Variants in PLA2G6 observed in about 807,000 individuals in gnomAD.
PLA2G6 encodes phospholipase A2 group VI, also known as 85/88 kDa calcium-independent phospholipase A2.
A neutral mutation model predicts 83.8 loss-of-function variants in PLA2G6; 62 were observed. The observed-to-expected ratio is 0.74, with a 90% CI of 0.60 to 0.91. The LOEUF is 0.91. Among genes scored for constraint, PLA2G6 ranks in the 40% least tolerant of loss-of-function variants. The pLI, the probability that PLA2G6 is intolerant of heterozygous loss-of-function variation, is 0.00. For synonymous variants in PLA2G6, 417 were observed against 449.8 expected, an observed-to-expected ratio of 0.93 and a Z score of 0.92; for missense variants, 944 against 1,102.0, an observed-to-expected ratio of 0.86 and a Z score of 2.03.
rs143802897 is a variant in PLA2G6, at chr22:38,164,608, C to T, written c.209+4610G>A. 3.3e-3 allele frequency among the ~76,000 whole-genome samples: 496 copies of T among 152,254 alleles called. 1 individual carries two copies. Among genetic ancestry groups the T allele is most frequent in the African/African-American group, 0.011 (472 of 41,536 alleles). ...ACTCTCCGGCCTTAGGTTATACAACCCAAGAATTCAGAAGCTCCTAATTCC... is the reference window on the plus strand; with the variant it reads ...ACTCTCCGGCCTTAGGTTATACAACTCAAGAATTCAGAAGCTCCTAATTCC... On this transcript the variant is annotated intron_variant, in intron 2 of 16. Coordinates refer to ENST00000332509, the MANE Select transcript of PLA2G6 (RefSeq NM_003560.4).
In PLA2G6 at chr22:38,115,402, C is replaced by T. The variant is rs1172422067; in HGVS notation, c.2034+125G>A. 1.2e-5 allele frequency: 10 copies of T among 815,062 alleles called. No homozygotes were observed. In the Admixed American group the frequency reaches 1.4e-4, roughly 11 times the overall value. 50.5% of individuals were successfully genotyped at this position (815,062 alleles called of 1,614,324 possible). A position where few individuals can be genotyped will look rare whatever the true frequency, so the allele number is the denominator to read the frequency against. Reference sequence around the variant, plus strand: ...GTGAGATCAATTTGCCCTGTGTGCACATATGAATGAGTGCGTGTGTAAAAG... The same window carrying T: ...GTGAGATCAATTTGCCCTGTGTGCATATATGAATGAGTGCGTGTGTAAAAG... On this transcript the variant is annotated intron_variant, in intron 14 of 16. Coordinates refer to ENST00000332509, the MANE Select transcript of PLA2G6 (RefSeq NM_003560.4).
At chr22:38,152,745 T>C (rs895633808) in intron 2 of PLA2G6, among the ~76,000 whole-genome samples, 1 of 152,226 alleles carries the variant, frequency 6.6e-6, no homozygotes, top group Non-Finnish European at 1.5e-5. Flanking sequence ...TATGGAAATA[T>C]GAGAGAGACT....
At chr22:38,133,055 G>A in intron 6 of PLA2G6, 42 bp from the exon 7 acceptor site, 2 of 1,533,502 alleles carry the variant, frequency 1.3e-6, no homozygotes, top group Non-Finnish European at 8.8e-7. Context: ...GGCACTCGGG[G>A]AGCTGCCGCA....
intron 12 of PLA2G6, among the ~76,000 whole-genome samples, chr22:38,117,898 T>C (rs1265902996): frequency 6.6e-6 from 1 of 151,934 alleles, no homozygotes; most frequent in Non-Finnish European, 1.5e-5. Flanking sequence ...TAGCCGGGCA[T>C]GGTGGTGCAC....
intron 2 of PLA2G6, among the ~76,000 whole-genome samples, chr22:38,165,296 C>A (rs1466808388): frequency 1.3e-5 from 2 of 152,220 alleles, no homozygotes; most frequent in Non-Finnish European, 2.9e-5. Flanking sequence ...ATGAACCCAA[C>A]AGACACAGTC....
rs2089771103 is a variant in PLA2G6, at chr22:38,156,198, A to G, written c.210-10545T>C. 4.6e-5 allele frequency among the ~76,000 whole-genome samples: 7 copies of G among 152,342 alleles called. No homozygotes were observed. The South Asian group carries it at 1.5e-3, about 32-fold the overall frequency. ...AAAGGAAGTATTCTTAGAGCTAAAG[A>G]GAGAGATAGACCTCAATACAATAAT... On this transcript the variant is annotated intron_variant, in intron 2 of 16. Coordinates refer to ENST00000332509, the MANE Select transcript of PLA2G6 (RefSeq NM_003560.4).
At chr22:38,150,068 A>AC (rs2089487847) in intron 2 of PLA2G6, 2 of 150,390 alleles carry the variant, frequency 1.3e-5, no homozygotes, top group Admixed American at 1.3e-4. Context: ...AAAAAAAAAA[A>AC]CACATAGAAA....
At chr22:38,126,846 T>G in intron 9 of PLA2G6, 4 of 363,356 alleles carry the variant, frequency 1.1e-5, no homozygotes, top group South Asian at 2.6e-5. Context: ...AGAATTCTTA[T>G]TCCCTATTGA....
At chr22:38,155,665 A>G (rs1047954651) in intron 2 of PLA2G6, among the ~76,000 whole-genome samples, 2 of 152,222 alleles carry the variant, frequency 1.3e-5, no homozygotes, top group African/African-American at 2.4e-5. Flanking sequence ...CCTCAAATCA[A>G]AAAACATACA....
At chr22:38,129,419 C>T (rs1239027424) in intron 8 of PLA2G6, 35 bp downstream of exon 8, 21 of 1,429,002 alleles carry the variant, frequency 1.5e-5, no homozygotes, top group Non-Finnish European at 2.0e-5. Flanking sequence ...ACCCAACCCT[C>T]ACCCCACTCC....
chr22:38,161,543 G>T (rs2090012060), intron 2 of PLA2G6, among the ~76,000 whole-genome samples: 1 of 152,124 alleles, frequency 6.6e-6, no homozygotes. Context: ...TAGAAAAGGG[G>T]AAAGTGTTAT....
chr22:38,151,665 G>A (rs753222803), intron 2 of PLA2G6, among the ~76,000 whole-genome samples: 7 of 152,276 alleles, frequency 4.6e-5, no homozygotes, highest in Non-Finnish European at 8.8e-5. Context: ...ATGGTATAGC[G>A]TCTTGTTGGG....
At chr22:38,127,114 G>A in intron 9 of PLA2G6, 1 of 1,117,004 alleles carries the variant, frequency 9.0e-7, no homozygotes, top group Non-Finnish European at 1.1e-6. Context: ...GTCCCCAGGT[G>A]CCTGGTGCAG....
At position 38,140,147 on chromosome 22, in the gene PLA2G6, G is replaced by C. The variant is rs568900605; in HGVS notation, c.632C>G (p.Ala211Gly). 6.2e-7 allele frequency: 1 copy of C among 1,614,150 alleles called. No homozygotes were observed. Among genetic ancestry groups the C allele is most frequent in the African/African-American group, 1.3e-5 (1 of 75,054 alleles). Residue 211 changes from alanine to glycine, a missense_variant, in exon 5 of 17, where the codon GCT becomes GGT. Transcript: ENST00000332509. ...TTGGTTATTCACCTGGTTCAGGCCAGCCACTGCGTTCCTTCCAAGGAGCTG... is the reference window on the plus strand; with the variant it reads ...TTGGTTATTCACCTGGTTCAGGCCACCCACTGCGTTCCTTCCAAGGAGCTG... ...VLQLLGRNAV[A>G]GLNQVNNQGL...
intron 10 of PLA2G6, among the ~76,000 whole-genome samples, chr22:38,125,374 G>A (rs1462719330): frequency 6.6e-6 from 1 of 152,176 alleles, no homozygotes; most frequent in Non-Finnish European, 1.5e-5. Flanking sequence ...GGGGCACAGG[G>A]GAGGGAATGC....
At chr22:38,145,118 T>G (rs2089172388) in intron 3 of PLA2G6, 2 of 372,750 alleles carry the variant, frequency 5.4e-6, no homozygotes, top group Non-Finnish European at 1.0e-5. Context: ...CATAGCTCAC[T>G]GTAAACTCTA....
intron 2 of PLA2G6, chr22:38,148,864 T>C (rs1264327144): frequency 3.0e-3 from 311 of 103,660 alleles, no homozygotes; most frequent in African/African-American, 0.013. Context: ...TATTTCTTTT[T>C]TTTTTTTTTT....
intron 2 of PLA2G6, chr22:38,147,227 G>A (rs562568725): frequency 6.5e-6 from 1 of 152,980 alleles, no homozygotes; most frequent in South Asian, 2.1e-4. Context: ...CAGAGGTGCT[G>A]TGAGGACAGA....
At chr22:38,113,693 C>G in intron 14 of PLA2G6, 39 bp from the exon 15 acceptor site, 1 of 1,602,808 alleles carries the variant, frequency 6.2e-7, no homozygotes, top group Non-Finnish European at 8.5e-7. Flanking sequence ...AAGAGACCTT[C>G]CACAGGTAGG....
Sources: gnomAD v4.1 joint callset for allele counts (sites outside exome capture counted in the v4.1 genomes callset) on GRCh38, gnomAD v4.1.1 for gene constraint, MANE v1.5 for transcripts, NCBI Gene and HGNC (gene_info 2026-07-23, HGNC 2026-07-21) for gene names.